TEX14: variants seen among roughly 807,000 people sequenced by gnomAD.
TEX14 encodes the protein inactive serine/threonine-protein kinase TEX14.
TEX14 carries 168 observed loss-of-function variants against 178.6 expected under a neutral mutation model. The ratio of observed to expected loss-of-function variants is 0.94; its 90% CI spans 0.83 to 1.07. The LOEUF (loss-of-function observed/expected upper bound fraction) is 1.07, where lower values mean the gene tolerates loss of function less well. Ranked by LOEUF, TEX14 falls within the 50% of genes least tolerant of loss-of-function variation. The probability of loss-of-function intolerance (pLI) is 0.00; values close to 1 mark genes in which losing one functional copy is unlikely to be tolerated. For missense variants in TEX14, 1,730 were observed against 1,753.6 expected (o/e 0.99, Z 0.24); for synonymous variants, 626 against 634.1 (o/e 0.99, Z 0.19).
chr17:58,613,521 A>G lies in TEX14; in HGVS notation c.905T>C (p.Leu302Pro), dbSNP rs2045797003. The G allele has an allele frequency of 6.2e-7, 1 of 1,614,120 alleles. No homozygotes were observed. Among genetic ancestry groups the G allele is most frequent in the African/African-American group, 1.3e-5 (1 of 74,950 alleles). Residue 302 changes from leucine (L) to proline (P), a missense_variant, in exon 9 of 32, where the codon CTA becomes CCA. Physicochemically the swap from Leu to Pro is moderately conservative, Grantham distance 98. This residue lies in a region of TEX14 where 789 missense variants were observed against 681.2 expected (regional missense o/e 1.16). Coordinates refer to ENST00000349033, the MANE Select transcript of TEX14 (RefSeq NM_031272.5). Reference sequence around the variant, plus strand: ...GGAGAGACACACAGCCATCAACTGTAGCAAGTAGGGGTGCCGCAGCTTGCT... The same window carrying G: ...GGAGAGACACACAGCCATCAACTGTGGCAAGTAGGGGTGCCGCAGCTTGCT... ...HSSKLRHPYLLQLMAVCLSQD... is the reference protein window; with the variant it reads ...HSSKLRHPYLPQLMAVCLSQD...
chr17:58,654,565 G>T (rs11651859), intron 1 of TEX14, among the ~76,000 whole-genome samples: 21,507 of 147,500 alleles, frequency 0.15, 2,407 homozygotes, highest in East Asian at 0.31. Flanking sequence ...GCAGTGTAGT[G>T]GCACGATCTC....
chr17:58,578,899 C>T (rs532987412), intron 20 of TEX14, among the ~76,000 whole-genome samples: 3 of 152,328 alleles, frequency 2.0e-5, no homozygotes, highest in Non-Finnish European at 2.9e-5. Flanking sequence ...CATAACACTA[C>T]GCTGTTTGGG....
chr17:58,690,278 C>A (rs998956829), intron 1 of TEX14, among the ~76,000 whole-genome samples: 1 of 150,680 alleles, frequency 6.6e-6, no homozygotes, highest in African/African-American at 2.4e-5. Flanking sequence ...TTGGTTCTCC[C>A]ACCTCAGCCT....
chr17:58,672,172 A>G (rs1567770280), intron 1 of TEX14, among the ~76,000 whole-genome samples: 1 of 152,094 alleles, frequency 6.6e-6, no homozygotes, highest in East Asian at 1.9e-4. Flanking sequence ...GTGGCTGCTG[A>G]TCTAACAGGA....
At chr17:58,618,319 T>C (rs994310155) in intron 5 of TEX14, among the ~76,000 whole-genome samples, 6 of 152,310 alleles carry the variant, frequency 3.9e-5, no homozygotes, top group East Asian at 1.9e-4. Flanking sequence ...TTTCATTATA[T>C]AGGCAAAAAA....
chr17:58,608,646 TCTG>T (rs1455906290), intron 10 of TEX14, among the ~76,000 whole-genome samples: 1 of 152,242 alleles, frequency 6.6e-6, no homozygotes, highest in Non-Finnish European at 1.5e-5. Flanking sequence ...GAACTCCCCA[TCTG>T]GTGGCACAGA....
intron 1 of TEX14, chr17:58,659,292 C>T (rs992056028): frequency 1.0e-5 from 10 of 962,046 alleles, no homozygotes; most frequent in African/African-American, 3.5e-5. Flanking sequence ...GTCTCTCCCC[C>T]GCCACAAAGA....
chr17:58,559,373 G>T, intron 30 of TEX14, 80 bp downstream of exon 30: 1 of 665,720 alleles, frequency 1.5e-6, no homozygotes. Context: ...ATAGCATCTG[G>T]GAAACATTTC....
chr17:58,616,549 C>T (rs1015455544), intron 6 of TEX14, among the ~76,000 whole-genome samples: 1 of 151,490 alleles, frequency 6.6e-6, no homozygotes, highest in Non-Finnish European at 1.5e-5. Flanking sequence ...TCCCACTCCA[C>T]CCTCCCAAGT....
intron 10 of TEX14, among the ~76,000 whole-genome samples, chr17:58,605,736 CTGAGA>C (rs984085426): frequency 1.3e-5 from 2 of 152,210 alleles, no homozygotes; most frequent in Admixed American, 1.3e-4. Context: ...CTTTTTGTGA[CTGAGA>C]TATTTGTCTG....
chr17:58,609,038 T>A (rs2045682705), intron 10 of TEX14, among the ~76,000 whole-genome samples: 1 of 152,230 alleles, frequency 6.6e-6, no homozygotes, highest in African/African-American at 2.4e-5. Flanking sequence ...GCAGTTCAAC[T>A]AGTGACAGTT....
chr17:58,675,972 C>T (rs974860881), intron 1 of TEX14, among the ~76,000 whole-genome samples: 3 of 152,154 alleles, frequency 2.0e-5, no homozygotes, highest in African/African-American at 7.2e-5. Flanking sequence ...GGTGCCGTGG[C>T]TCACACATGT....
Position 58,593,572 on chromosome 17 carries a change from C to T in TEX14, c.2559G>A (p.Arg853=), listed in dbSNP as rs55973244. Residue 853 remains arginine, a synonymous_variant, in exon 15 of 32, where the codon AGG becomes AGA. Coordinates refer to ENST00000349033, the MANE Select transcript of TEX14 (RefSeq NM_031272.5). ...QGAKDSLETS[R]IQNTSSQGRP... Reference sequence around the variant, plus strand: ...TGACCCACCTACTGGTATTTTGGATCCTGCTTGTTTCCAAACTGTCCTTGG... The same window carrying T: ...TGACCCACCTACTGGTATTTTGGATTCTGCTTGTTTCCAAACTGTCCTTGG... The T allele has an allele frequency of 0.021, 33,569 of 1,613,732 alleles. 473 individuals are homozygous for T. The highest frequency in any genetic ancestry group is 0.026 in the Non-Finnish European group (30,973 of 1,179,650).
rs776666717 is a variant in TEX14 at position 58,599,457 on chromosome 17, A to G, written c.1888T>C (p.Leu630=). 2.2e-5 allele frequency: 35 copies of G among 1,614,044 alleles called. No homozygotes were observed. In the African/African-American group the frequency reaches 3.5e-4, roughly 16 times the overall value. Reference sequence around the variant, plus strand: ...TCTTCTATGTCATCTTCCAAAATCAAGCAGCCTGAGTAGATCTCGTTGATT... The same window carrying G: ...TCTTCTATGTCATCTTCCAAAATCAGGCAGCCTGAGTAGATCTCGTTGATT... ...FEINEIYSGC[L]ILEDDIEEPP... Residue 630 remains leucine, a synonymous_variant, in exon 14 of 32, where the codon TTG becomes CTG. Transcript: ENST00000349033.
At chr17:58,691,579 C>T (rs1280469210) in intron 1 of TEX14, among the ~76,000 whole-genome samples, 1 of 150,510 alleles carries the variant, frequency 6.6e-6, no homozygotes, top group African/African-American at 2.4e-5. Flanking sequence ...AGGCAGGAGA[C>T]TCACTTGAAC....
intron 2 of TEX14, among the ~76,000 whole-genome samples, chr17:58,642,416 C>A (rs1311539948): frequency 6.6e-6 from 1 of 152,148 alleles, no homozygotes; most frequent in Non-Finnish European, 1.5e-5. Context: ...CAGCCAAATG[C>A]TCCGTACTTA....
chr17:58,559,364 T>C, intron 30 of TEX14, 89 bp downstream of exon 30: 1 of 651,158 alleles, frequency 1.5e-6, no homozygotes, highest in African/African-American at 1.9e-5. Context: ...GGATTATGTA[T>C]AGCATCTGGG....
At chr17:58,645,499 T>C (rs1567755863) in intron 2 of TEX14, among the ~76,000 whole-genome samples, 2 of 152,202 alleles carry the variant, frequency 1.3e-5, no homozygotes, top group African/African-American at 4.8e-5. Context: ...GCTGGGACTA[T>C]AGGCGCCCGC....
At chr17:58,581,519 A>C in intron 19 of TEX14, 2 of 1,427,776 alleles carry the variant, frequency 1.4e-6, no homozygotes, top group South Asian at 2.4e-5. Flanking sequence ...TAGACATTAC[A>C]TACTTTGATA....
Sources: gnomAD v4.1 joint callset for allele counts (sites outside exome capture counted in the v4.1 genomes callset) on GRCh38, gnomAD v4.1.1 for gene constraint, gnomAD v4.1.1 regional missense constraint, MANE v1.5 for transcripts, NCBI Gene and HGNC (gene_info 2026-07-23, HGNC 2026-07-21) for gene names.